The following ZNF362 variants were observed in gnomAD, a reference collection of about 807,000 sequenced individuals.
ZNF362 encodes the protein zinc finger protein 362, also known as rotund homolog.
Under a neutral mutation model 42.9 loss-of-function variants are expected in ZNF362, and 11 were observed. The ratio of observed to expected loss-of-function variants is 0.26; its 90% CI spans 0.16 to 0.42. The LOEUF is 0.42. Ranked by LOEUF, ZNF362 falls within the 20% of genes least tolerant of loss-of-function variation. The probability of loss-of-function intolerance (pLI) is 1.00; values close to 1 mark genes in which losing one functional copy is unlikely to be tolerated. For missense variants in ZNF362, 362 were observed against 576.2 expected, an observed-to-expected ratio of 0.63 and a Z score of 3.81; for synonymous variants, 255 against 257.3, an observed-to-expected ratio of 0.99 and a Z score of 0.09.
chr1:33,269,836 T>C (rs563224826), intron 1 of ZNF362, among the ~76,000 whole-genome samples: 2 of 152,104 alleles, frequency 1.3e-5, no homozygotes, highest in South Asian at 4.1e-4. Context: ...GCCTGTCCTC[T>C]TTCTGTCCAT....
chr1:33,165,462 C>T, the ZNF362 span: 1 of 1,589,362 alleles, frequency 6.3e-7, no homozygotes, highest in East Asian at 2.3e-5. The surrounding 1 kb of genome is among the most constrained non-coding windows in gnomAD (Gnocchi z 4.0). Context: ...GCGCCCCGGC[C>T]AGGCTCACCT....
chr1:33,135,377 G>C, the ZNF362 span, among the ~76,000 whole-genome samples: 1 of 152,300 alleles, frequency 6.6e-6, no homozygotes, highest in Middle Eastern at 3.4e-3. Context: ...TTCCCCACAA[G>C]CAAGCTCTGA....
the ZNF362 span, among the ~76,000 whole-genome samples, chr1:33,182,289 T>G: frequency 6.6e-6 from 1 of 152,206 alleles, no homozygotes; most frequent in Non-Finnish European, 1.5e-5. Context: ...AGCAGCTAAT[T>G]TGAGAGCACA....
At chr1:33,212,080 G>A in the ZNF362 span, among the ~76,000 whole-genome samples, 2 of 152,122 alleles carry the variant, frequency 1.3e-5, no homozygotes, top group Admixed American at 6.6e-5. Context: ...CTGTCATTAC[G>A]ATAGTGAATT....
chr1:33,188,299 A>G, the ZNF362 span, among the ~76,000 whole-genome samples: 1 of 152,202 alleles, frequency 6.6e-6, no homozygotes, highest in Non-Finnish European at 1.5e-5. Context: ...CTGATGACTT[A>G]GCTATGCCTT....
At chr1:33,212,629 T>C in the ZNF362 span, among the ~76,000 whole-genome samples, 1 of 152,218 alleles carries the variant, frequency 6.6e-6, no homozygotes, top group East Asian at 1.9e-4. Flanking sequence ...GCCTATCACA[T>C]GGCAAGAGCA....
chr1:33,161,232 G>A, the ZNF362 span, among the ~76,000 whole-genome samples: 3,696 of 152,310 alleles, frequency 0.024, 79 homozygotes, highest in Non-Finnish European at 0.039. This position sits in a 1 kb window ranked among gnomAD's most constrained non-coding sequence, Gnocchi z 4.3. Context: ...ATTGAGAGAC[G>A]GGTTCTGAGC....
At chr1:33,161,483 A>G in the ZNF362 span, among the ~76,000 whole-genome samples, 7 of 152,218 alleles carry the variant, frequency 4.6e-5, no homozygotes, top group South Asian at 8.3e-4. The surrounding 1 kb of genome is among the most constrained non-coding windows in gnomAD (Gnocchi z 4.3). Flanking sequence ...CAAAGGCTCA[A>G]TTAGGGCCTG....
In ZNF362 at chr1:33,299,097, G is replaced by A; in HGVS notation, c.*51G>A. 1 of 1,438,238 alleles carries A rather than the reference G, an allele frequency of 7.0e-7. No individual in the cohort carries two copies. The allele number at this position is 1,438,238 out of a possible 1,614,324, so 89.1% of individuals were successfully genotyped here. A position where few individuals can be genotyped will look rare whatever the true frequency, so the allele number is the denominator to read the frequency against. ...GGCCCACTGGCAGACACAGACCCAG[G>A]CAGCACCAGGCCCCAGCTCCCTCCG... On this transcript the variant is annotated 3_prime_UTR_variant, in exon 9 of 9. Transcript: ENST00000539719.
the ZNF362 span, among the ~76,000 whole-genome samples, chr1:33,153,211 GGGCTTT>G: frequency 4.6e-5 from 7 of 152,192 alleles, no homozygotes; most frequent in African/African-American, 7.2e-5. Context: ...TGGACATAAA[GGGCTTT>G]GGTGCTGGCA....
intron 1 of ZNF362, among the ~76,000 whole-genome samples, chr1:33,262,765 C>T (rs962316702): frequency 1.3e-5 from 2 of 152,222 alleles, no homozygotes; most frequent in African/African-American, 4.8e-5. Context: ...CCCTGACCCT[C>T]CCTCCTGCAC....
chr1:33,277,157 C>T (rs1645957152), intron 4 of ZNF362, among the ~76,000 whole-genome samples: 1 of 152,232 alleles, frequency 6.6e-6, no homozygotes, highest in Admixed American at 6.5e-5. Context: ...TCATTGTACT[C>T]CCAGCAGCCT....
At chr1:33,216,599 CAAAAAAAAAAA>C in the ZNF362 span, among the ~76,000 whole-genome samples, 2 of 71,898 alleles carry the variant, frequency 2.8e-5, no homozygotes, top group African/African-American at 1.1e-4. Flanking sequence ...GACTCTGTCT[CAAAAAAAAAAA>C]AAAAAAAAAG....
chr1:33,175,281 A>T, the ZNF362 span, among the ~76,000 whole-genome samples: 4 of 151,298 alleles, frequency 2.6e-5, no homozygotes, highest in Admixed American at 1.3e-4. Flanking sequence ...AACTCAGGTG[A>T]TCCGCCTGCC....
the ZNF362 span, among the ~76,000 whole-genome samples, chr1:33,193,004 C>CACACACACACACACATATATAT: frequency 2.9e-4 from 40 of 137,292 alleles, no homozygotes; most frequent in Middle Eastern, 7.7e-3. Context: ...CACACACACA[C>CACACACACACACACATATATAT]ATATATATAT....
chr1:33,252,910 A>G (rs563946770), upstream of ZNF362, among the ~76,000 whole-genome samples: 2 of 152,242 alleles, frequency 1.3e-5, no homozygotes, highest in Admixed American at 1.3e-4. Flanking sequence ...AGAATTGGAG[A>G]GGATGACAGT....
At chr1:33,208,790 T>G in the ZNF362 span, among the ~76,000 whole-genome samples, 1 of 152,224 alleles carries the variant, frequency 6.6e-6, no homozygotes, top group African/African-American at 2.4e-5. Flanking sequence ...GAGACTTTGC[T>G]GAATTTGCTT....
chr1:33,205,263 C>T, the ZNF362 span, among the ~76,000 whole-genome samples: 3 of 152,104 alleles, frequency 2.0e-5, no homozygotes, highest in Admixed American at 2.0e-4. Flanking sequence ...GCAAGAGGAT[C>T]ACTTGAGCTC....
At chr1:33,236,531 T>TA in the ZNF362 span, among the ~76,000 whole-genome samples, 11 of 4,196 alleles carry the variant, frequency 2.6e-3, no homozygotes, top group African/African-American at 4.0e-3. Context: ...CTCTGCCTCT[T>TA]AAAAAAAAAA....
Sources: gnomAD v4.1 joint callset for allele counts (sites outside exome capture counted in the v4.1 genomes callset) on GRCh38, gnomAD v4.1.1 for gene constraint, Gnocchi (gnomAD v3.1) non-coding constraint, MANE v1.5 for transcripts, NCBI Gene and HGNC (gene_info 2026-07-23, HGNC 2026-07-21) for gene names.